Variants in ACP6 observed in about 807,000 individuals in gnomAD.
The protein encoded by ACP6 is lysophosphatidic acid phosphatase type 6.
A neutral mutation model predicts 48.1 loss-of-function variants in ACP6; 48 were observed. The ratio of observed to expected loss-of-function variants is 1.00; its 90% CI spans 0.79 to 1.27. The LOEUF (loss-of-function observed/expected upper bound fraction) is 1.27. ACP6 is among the 50% of genes most tolerant of loss of function. The probability of loss-of-function intolerance (pLI) is 0.00; values close to 1 mark genes in which losing one functional copy is unlikely to be tolerated. For missense variants in ACP6, 485 were observed against 529.1 expected (o/e 0.92, Z 0.82); for synonymous variants, 172 against 204.2 (o/e 0.84, Z 1.34).
chr1:147,654,165 A>G (rs781992577), intron 6 of ACP6, 29 bp downstream of exon 6: 1 of 1,610,490 alleles, frequency 6.2e-7, no homozygotes, highest in Non-Finnish European at 8.5e-7. Context: ...CAAGGCTATT[A>G]TCCCAGGCTC....
intron 8 of ACP6, chr1:147,649,908 A>AT (rs1659827960): frequency 1.9e-6 from 1 of 521,344 alleles, no homozygotes. Context: ...TCTTCAATTA[A>AT]TAAAAAAAAG....
chr1:147,664,439 T>C (rs929476594), intron 1 of ACP6, among the ~76,000 whole-genome samples: 3 of 152,232 alleles, frequency 2.0e-5, no homozygotes. Context: ...AAGACTTTTG[T>C]TCATTCCTTA....
rs1661018342 is a variant in ACP6, at chr1:147,670,088, G to A, written c.-40C>T. 1.4e-5 allele frequency: 20 copies of A among 1,460,250 alleles called. No individual in the cohort carries two copies. Among genetic ancestry groups the A allele is most frequent in the Non-Finnish European group, 1.7e-5 (19 of 1,098,204 alleles). 90.5% of individuals were successfully genotyped at this position (1,460,250 alleles called of 1,614,324 possible). On this transcript the variant is annotated 5_prime_UTR_variant, in exon 1 of 10. Coordinates refer to ENST00000583509, the MANE Select transcript of ACP6 (RefSeq NM_016361.5). ...GCTGCCCTCCGGGTTGAGGCTGCAG[G>A]AGGCAAACACAAGTCTTCTGCGGGC...
In ACP6 at chr1:147,647,578, A is replaced by C. The variant is rs142575428; in HGVS notation, c.1144-12T>G. ...CTCGGCACCTGCTCCTGCAGAAGAAACATAACTCAGCAGGTCCGCCGAGGA... is the reference window on the plus strand; with the variant it reads ...CTCGGCACCTGCTCCTGCAGAAGAACCATAACTCAGCAGGTCCGCCGAGGA... On this transcript the variant is annotated splice_polypyrimidine_tract_variant and intron_variant, in intron 9 of 9. Transcript: ENST00000583509. 29 of 1,610,510 alleles carry C rather than the reference A, an allele frequency of 1.8e-5. No homozygotes were observed. In the East Asian group the frequency reaches 2.9e-4, roughly 16 times the overall value.
intron 7 of ACP6, chr1:147,650,546 G>C (rs1659867463): frequency 3.8e-6 from 1 of 265,444 alleles, no homozygotes; most frequent in Admixed American, 5.4e-5. Flanking sequence ...CTAGGCCTTG[G>C]GGAATCAAAG....
At chr1:147,666,610 G>A (rs781959658) in intron 1 of ACP6, among the ~76,000 whole-genome samples, 19 of 152,084 alleles carry the variant, frequency 1.2e-4, no homozygotes, top group Non-Finnish European at 2.4e-4. Flanking sequence ...CAAAAAAGTG[G>A]GGCCTCCACT....
At chr1:147,666,400 A>G (rs922486225) in intron 1 of ACP6, among the ~76,000 whole-genome samples, 9 of 152,232 alleles carry the variant, frequency 5.9e-5, no homozygotes, top group African/African-American at 9.6e-5. Context: ...AGCGAAGGCA[A>G]TTCTGTACTG....
At chr1:147,648,141 A>T in intron 9 of ACP6, 105 bp downstream of exon 9, 1 of 1,347,398 alleles carries the variant, frequency 7.4e-7, no homozygotes, top group East Asian at 2.3e-5. Flanking sequence ...CTGTGCCAAG[A>T]GAGACTCCAC....
intron 8 of ACP6, chr1:147,649,907 A>T: frequency 1.9e-6 from 1 of 520,502 alleles, no homozygotes; most frequent in Non-Finnish European, 3.3e-6. Context: ...ATCTTCAATT[A>T]ATAAAAAAAA....
intron 8 of ACP6, 181 bp downstream of exon 8, chr1:147,649,962 G>A (rs782629598): frequency 3.7e-6 from 2 of 543,468 alleles, no homozygotes; most frequent in South Asian, 5.0e-5. Context: ...ATGGTAGGAG[G>A]GGTGCAGCAG....
chr1:147,664,476 C>A (rs587714105), intron 1 of ACP6, among the ~76,000 whole-genome samples: 12 of 152,302 alleles, frequency 7.9e-5, no homozygotes, highest in Admixed American at 7.8e-4. Context: ...TTCCCAGAAA[C>A]CTTGGTCATG....
Position 147,652,472 on chromosome 1 carries a change from C to T in ACP6, c.858G>A (p.Leu286=), listed in dbSNP as rs782477953. The change falls in exon 7 of 10, where the codon TTG becomes TTA. Residue 286 remains leucine, a synonymous_variant. Transcript: ENST00000583509. ...ACCTGTCTTCCTTGGGCAGTATGTA[C>T]AAGGATGTGTCCACAGCTCTCTGTT... ...MIEQRAVDTS[L]YILPKEDRES... 6 of 1,613,866 alleles carry T rather than the reference C, an allele frequency of 3.7e-6. No homozygotes were observed. Among genetic ancestry groups the T allele is most frequent in the South Asian group, 2.2e-5 (2 of 91,034 alleles).
At chr1:147,656,985 C>A (rs1660289917) in intron 4 of ACP6, among the ~76,000 whole-genome samples, 1 of 152,130 alleles carries the variant, frequency 6.6e-6, no homozygotes, top group Non-Finnish European at 1.5e-5. Context: ...AGGTTATATG[C>A]AAAGCTATGC....
Position 147,650,249 on chromosome 1 carries a change from T to C in ACP6, c.882-11A>G. On this transcript the variant is annotated splice_polypyrimidine_tract_variant and intron_variant, in intron 7 of 9. Coordinates refer to ENST00000583509, the MANE Select transcript of ACP6 (RefSeq NM_016361.5). ...ATCTGAAGACTTTCCCTGTGAAAAGTGAACAACATTTAAGCACCTAGAGGG... is the reference window on the plus strand; with the variant it reads ...ATCTGAAGACTTTCCCTGTGAAAAGCGAACAACATTTAAGCACCTAGAGGG... 1.3e-6 allele frequency: 2 copies of C among 1,588,944 alleles called. No homozygotes were observed. Among genetic ancestry groups the C allele is most frequent in the Non-Finnish European group, 1.7e-6 (2 of 1,168,536 alleles).
At chr1:147,669,131 C>T (rs1212742804) in intron 1 of ACP6, among the ~76,000 whole-genome samples, 3 of 152,026 alleles carry the variant, frequency 2.0e-5, no homozygotes, top group African/African-American at 7.3e-5. Flanking sequence ...CATAATTATC[C>T]TGACAAAACC....
At chr1:147,667,932 G>A (rs1396049204) in intron 1 of ACP6, among the ~76,000 whole-genome samples, 5 of 151,864 alleles carry the variant, frequency 3.3e-5, no homozygotes. Context: ...GGAGGTTGCG[G>A]TGAGCCGAGA....
intron 1 of ACP6, among the ~76,000 whole-genome samples, chr1:147,669,468 C>T (rs79124825): frequency 6.6e-6 from 1 of 152,200 alleles, no homozygotes; most frequent in East Asian, 1.9e-4. Context: ...GCACTGCACC[C>T]TTGTATTCAA....
chr1:147,647,378 A>C lies in ACP6; in HGVS notation c.*45T>G, dbSNP rs1659669806. 2 of 1,609,366 alleles carry C rather than the reference A, an allele frequency of 1.2e-6. No homozygotes were observed. Among genetic ancestry groups the C allele is most frequent in the South Asian group, 2.2e-5 (2 of 90,832 alleles). ...ACACAAAGCAGGAGGCATTGTATAA[A>C]GGCACTTTATTTTAAAATCAACACA... On this transcript the variant is annotated 3_prime_UTR_variant, in exon 10 of 10. Coordinates refer to ENST00000583509, the MANE Select transcript of ACP6 (RefSeq NM_016361.5).
At chr1:147,667,304 G>A (rs1279060852) in intron 1 of ACP6, among the ~76,000 whole-genome samples, 2 of 151,962 alleles carry the variant, frequency 1.3e-5, no homozygotes, top group Admixed American at 1.3e-4. Flanking sequence ...TGCAACCTCC[G>A]CCTCCCGGGT....
Sources: gnomAD v4.1 joint callset for allele counts (sites outside exome capture counted in the v4.1 genomes callset) on GRCh38, gnomAD v4.1.1 for gene constraint, MANE v1.5 for transcripts, NCBI Gene and HGNC (gene_info 2026-07-23, HGNC 2026-07-21) for gene names.